The following ALK variants were observed in gnomAD, a reference collection of about 807,000 sequenced individuals.
The protein encoded by ALK is ALK tyrosine kinase receptor.
A neutral mutation model predicts 163.1 loss-of-function variants in ALK; 74 were observed. The observed-to-expected ratio is 0.45, with a 90% confidence interval of 0.38 to 0.55. The LOEUF is 0.55. ALK is among the 20% of genes least tolerant of loss of function. ALK has a pLI of 0.00. For missense variants in ALK, 2,063 were observed against 2,105.3 expected (o/e 0.98, Z 0.39); for synonymous variants, 960 against 843.2 (o/e 1.14, Z -2.40).
chr2:29,712,093 C>T (rs765138482), intron 2 of ALK, among the ~76,000 whole-genome samples: 2 of 152,128 alleles, frequency 1.3e-5, no homozygotes, highest in Non-Finnish European at 2.9e-5. Context: ...ACATGTCTCT[C>T]CTCGAAACAC....
intron 4 of ALK, among the ~76,000 whole-genome samples, chr2:29,500,860 G>T (rs937722186): frequency 6.6e-6 from 1 of 152,130 alleles, no homozygotes; most frequent in Non-Finnish European, 1.5e-5. Flanking sequence ...GGTCTCAGCT[G>T]GATCTAATGC....
intron 1 of ALK, among the ~76,000 whole-genome samples, chr2:29,805,908 C>T (rs1664597757): frequency 6.6e-6 from 1 of 152,136 alleles, no homozygotes; most frequent in African/African-American, 2.4e-5. Flanking sequence ...CTTCATATTG[C>T]TGGGCTAGGT....
chr2:29,469,163 T>C (rs1193049591), intron 4 of ALK, among the ~76,000 whole-genome samples: 1 of 152,174 alleles, frequency 6.6e-6, no homozygotes, highest in Non-Finnish European at 1.5e-5. Context: ...CTGCTCTTAT[T>C]TGCAGTCTGA....
chr2:29,399,329 T>C (rs1669388008), intron 4 of ALK, among the ~76,000 whole-genome samples: 1 of 152,140 alleles, frequency 6.6e-6, no homozygotes, highest in Non-Finnish European at 1.5e-5. Context: ...ACAGCAAGGG[T>C]GAGTCCTTGG....
intron 1 of ALK, among the ~76,000 whole-genome samples, chr2:29,838,879 A>G (rs1665632262): frequency 6.6e-6 from 1 of 151,230 alleles, no homozygotes; most frequent in African/African-American, 2.5e-5. Context: ...ATCCTACTGG[A>G]CACAAAAGAT....
At chr2:29,541,900 A>C (rs1000829992) in intron 3 of ALK, among the ~76,000 whole-genome samples, 3 of 152,142 alleles carry the variant, frequency 2.0e-5, no homozygotes, top group African/African-American at 7.2e-5. Flanking sequence ...CATCTACATA[A>C]CAAGACCACC....
chr2:29,366,045 A>G (rs1668498284), intron 5 of ALK, among the ~76,000 whole-genome samples: 1 of 152,224 alleles, frequency 6.6e-6, no homozygotes, highest in Admixed American at 6.5e-5. Context: ...GAGGGCAGAT[A>G]CACTTGAAAA....
At chr2:29,795,867 A>G (rs563761891) in intron 1 of ALK, among the ~76,000 whole-genome samples, 2 of 152,304 alleles carry the variant, frequency 1.3e-5, no homozygotes, top group East Asian at 1.9e-4. Context: ...TTTTATAATT[A>G]GCATGACATT....
chr2:29,214,574 G>A (rs1196651585), intron 23 of ALK, among the ~76,000 whole-genome samples: 3 of 152,076 alleles, frequency 2.0e-5, no homozygotes, highest in African/African-American at 4.8e-5. Flanking sequence ...CAGATCCAGC[G>A]CTAAAATTGA....
chr2:29,196,874 C>G lies in ALK; in HGVS notation c.4074-14G>C, dbSNP rs373693980. The G allele has an allele frequency of 1.3e-6, 2 of 1,590,870 alleles. No individual in the cohort carries two copies. The highest frequency in any genetic ancestry group is 8.6e-7 in the Non-Finnish European group (1 of 1,158,804). On this transcript the variant is annotated splice_polypyrimidine_tract_variant and intron_variant, in intron 27 of 28. Coordinates refer to ENST00000389048, the MANE Select transcript of ALK (RefSeq NM_004304.5). The stretch of plus-strand genomic sequence containing the variant: ...ATTATCCGGTATCTAAAAGAAGAAG[C>G]ACATTAATTAAAATAAGGAGAAGCA...
intron 11 of ALK, among the ~76,000 whole-genome samples, chr2:29,259,586 T>TAA (rs1665033179): frequency 1.3e-5 from 2 of 152,186 alleles, no homozygotes; most frequent in African/African-American, 4.8e-5. Flanking sequence ...TCTTGTTATA[T>TAA]AAAGTGTTGC....
chr2:29,606,429 GT>G (rs1675544516), intron 3 of ALK, among the ~76,000 whole-genome samples: 1 of 152,226 alleles, frequency 6.6e-6, no homozygotes. Context: ...TCAGACCTTT[GT>G]GCTAAATTGC....
chr2:29,346,852 C>G (rs1667964026), intron 5 of ALK, among the ~76,000 whole-genome samples: 1 of 152,134 alleles, frequency 6.6e-6, no homozygotes, highest in Admixed American at 6.5e-5. Context: ...GAAGCACGGA[C>G]AGCTGACCAG....
At chr2:29,777,019 G>A (rs1423026772) in intron 1 of ALK, among the ~76,000 whole-genome samples, 1 of 152,068 alleles carries the variant, frequency 6.6e-6, no homozygotes, top group Non-Finnish European at 1.5e-5. Context: ...ATTGGTAGGG[G>A]GCCATGGAGT....
chr2:29,787,286 C>A (rs747534859), intron 1 of ALK, among the ~76,000 whole-genome samples: 1 of 152,072 alleles, frequency 6.6e-6, no homozygotes, highest in African/African-American at 2.4e-5. Context: ...TTACTATGTC[C>A]GAGACACAGT....
intron 12 of ALK, among the ~76,000 whole-genome samples, chr2:29,240,525 A>T (rs983142280): frequency 6.6e-5 from 10 of 152,182 alleles, no homozygotes; most frequent in African/African-American, 2.2e-4. Flanking sequence ...TCTGGAAACA[A>T]GGAGGTTCCT....
chr2:29,661,993 C>T (rs1271925307), intron 3 of ALK, among the ~76,000 whole-genome samples: 1 of 152,074 alleles, frequency 6.6e-6, no homozygotes, highest in Non-Finnish European at 1.5e-5. Context: ...CACTGAAACC[C>T]CTACCTCCCA....
At chr2:29,496,048 C>T (rs72794458) in intron 4 of ALK, among the ~76,000 whole-genome samples, 10,668 of 152,212 alleles carry the variant, frequency 0.07, 525 homozygotes, top group Non-Finnish European at 0.11. Context: ...CCTCCCTTTG[C>T]GGCCGCCTTT....
In ALK at chr2:29,192,912, A is replaced by C; in HGVS notation, c.*312T>G. 2.2e-6 allele frequency: 1 copy of C among 449,380 alleles called. No individual in the cohort carries two copies. Among genetic ancestry groups the C allele is most frequent in the Admixed American group, 3.5e-5 (1 of 28,380 alleles). The allele number at this position is 449,380 out of a possible 1,614,324, so 27.8% of individuals were successfully genotyped here. On this transcript the variant is annotated 3_prime_UTR_variant, in exon 29 of 29. Coordinates refer to ENST00000389048, the MANE Select transcript of ALK (RefSeq NM_004304.5). ...GCTAATTCTGACTACATTGAAGCAG[A>C]GCACACACAATTTGAAAGAAGCATA...
Sources: allele counts gnomAD v4.1 joint callset (sites outside exome capture counted in the v4.1 genomes callset), GRCh38; gene constraint gnomAD v4.1.1; transcripts MANE v1.5; gene names NCBI Gene and HGNC (gene_info 2026-07-23, HGNC 2026-07-21).